The following CHN1 variants were observed in gnomAD, a reference collection of about 807,000 sequenced individuals.
CHN1 encodes the protein chimerin 1, also known as N-chimaerin.
Under a neutral mutation model 59.5 loss-of-function variants are expected in CHN1, and 37 were observed. The ratio of observed to expected loss-of-function variants is 0.62; its 90% confidence interval spans 0.48 to 0.82. The LOEUF is 0.82. Ranked by LOEUF, CHN1 falls within the 40% of genes least tolerant of loss-of-function variation. CHN1 has a pLI of 0.00. For missense variants in CHN1, 469 were observed against 571.0 expected (o/e 0.82, Z 1.82); for synonymous variants, 206 against 200.4 (o/e 1.03, Z -0.24).
intron 1 of CHN1, among the ~76,000 whole-genome samples, chr2:174,976,000 T>A (rs1161879694): frequency 1.3e-5 from 2 of 150,470 alleles, no homozygotes; most frequent in African/African-American, 4.9e-5. Context: ...GTGGCGGGTG[T>A]CTGTAGTCCC....
chr2:174,825,541 CA>C (rs1685655657), intron 7 of CHN1, among the ~76,000 whole-genome samples: 2 of 152,074 alleles, frequency 1.3e-5, no homozygotes, highest in Non-Finnish European at 2.9e-5. Flanking sequence ...ATCCCTTTTA[CA>C]AACAGGAAAG....
chr2:174,968,905 T>C (rs212365), intron 1 of CHN1, among the ~76,000 whole-genome samples: 3,110 of 152,308 alleles, frequency 0.02, 96 homozygotes, highest in African/African-American at 0.07. Flanking sequence ...TATAACTCAT[T>C]TGGTACCAAA....
At chr2:174,914,842 C>CA (rs577375465) in intron 5 of CHN1, among the ~76,000 whole-genome samples, 8,985 of 99,844 alleles carry the variant, frequency 0.09, 976 homozygotes, top group African/African-American at 0.26. Context: ...AGATTCCATT[C>CA]AAAAAAAAAA....
chr2:174,978,109 A>G (rs1691011789), intron 1 of CHN1, among the ~76,000 whole-genome samples: 1 of 152,236 alleles, frequency 6.6e-6, no homozygotes, highest in African/African-American at 2.4e-5. Flanking sequence ...CAGTTTAAAC[A>G]TATCATCAAG....
At chr2:174,905,565 A>T (rs189986664) in intron 5 of CHN1, among the ~76,000 whole-genome samples, 4,773 of 147,648 alleles carry the variant, frequency 0.032, 236 homozygotes, top group African/African-American at 0.11. Context: ...ATAAAAAAAA[A>T]TTTTTTTTTT....
chr2:174,949,945 C>CG (rs1162061856), intron 2 of CHN1, among the ~76,000 whole-genome samples: 1 of 151,996 alleles, frequency 6.6e-6, no homozygotes, highest in African/African-American at 2.4e-5. Flanking sequence ...GATAAAACTC[C>CG]GTAACAGAAC....
At chr2:174,813,171 C>T (rs892149458) in intron 8 of CHN1, among the ~76,000 whole-genome samples, 1 of 152,114 alleles carries the variant, frequency 6.6e-6, no homozygotes, top group East Asian at 1.9e-4. Context: ...TCTGAGAAAA[C>T]CAAACACAGA....
At chr2:174,848,888 T>C (rs1448097685) in intron 6 of CHN1, among the ~76,000 whole-genome samples, 2 of 152,182 alleles carry the variant, frequency 1.3e-5, no homozygotes, top group Non-Finnish European at 2.9e-5. Flanking sequence ...AGAAATGCAA[T>C]GGAAAAAGTC....
At chr2:174,977,219 A>C (rs546195661) in intron 1 of CHN1, among the ~76,000 whole-genome samples, 5 of 152,366 alleles carry the variant, frequency 3.3e-5, no homozygotes, top group Admixed American at 2.6e-4. Flanking sequence ...AAATTAGTGG[A>C]CATGGCTTTC....
intron 7 of CHN1, among the ~76,000 whole-genome samples, chr2:174,845,894 T>C (rs913061123): frequency 1.3e-5 from 2 of 152,138 alleles, no homozygotes; most frequent in African/African-American, 2.4e-5. Flanking sequence ...TGGTGCATTA[T>C]AGGTGCTGAA....
chr2:174,895,213 T>TACACAC (rs374437666), intron 5 of CHN1, among the ~76,000 whole-genome samples: 21 of 142,422 alleles, frequency 1.5e-4, no homozygotes, highest in Admixed American at 7.0e-4. Flanking sequence ...TATATATATA[T>TACACAC]ACACACACAC....
chr2:174,903,457 T>C (rs892687659), intron 5 of CHN1, among the ~76,000 whole-genome samples: 10 of 152,178 alleles, frequency 6.6e-5, no homozygotes, highest in African/African-American at 2.4e-4. Context: ...AAAACAGAAG[T>C]ATATTTTATG....
intron 11 of CHN1, 51 bp from the exon 12 acceptor site, chr2:174,801,863 T>C: frequency 1.6e-6 from 2 of 1,288,880 alleles, no homozygotes; most frequent in East Asian, 2.3e-5. Flanking sequence ...ACAAAACTGA[T>C]ACAAATGGTT....
At chr2:174,984,136 T>C (rs114645765) in intron 1 of CHN1, among the ~76,000 whole-genome samples, 4,107 of 152,030 alleles carry the variant, frequency 0.027, 214 homozygotes, top group African/African-American at 0.094. Context: ...GTTTGAAAGC[T>C]CAATCTTCAT....
rs1215533481 is a variant in CHN1 at position 174,809,053 on chromosome 2, T to C, written c.965-11A>G. 1 of 1,597,890 alleles carries C rather than the reference T, an allele frequency of 6.3e-7. No homozygotes were observed. The highest frequency in any genetic ancestry group is 8.5e-7 in the Non-Finnish European group (1 of 1,169,802). ...CTGCCTTCTCACCATCTTTTAAGGATGTTGAAAGAAATAAAAGTAAATATC... is the reference window on the plus strand; with the variant it reads ...CTGCCTTCTCACCATCTTTTAAGGACGTTGAAAGAAATAAAAGTAAATATC... On this transcript the variant is annotated splice_polypyrimidine_tract_variant and intron_variant, in intron 10 of 12. Coordinates refer to ENST00000409900, the MANE Select transcript of CHN1 (RefSeq NM_001822.7).
chr2:174,970,219 C>T (rs1031615569), intron 1 of CHN1, among the ~76,000 whole-genome samples: 1 of 152,098 alleles, frequency 6.6e-6, no homozygotes, highest in African/African-American at 2.4e-5. Context: ...TTGTTGTATA[C>T]CAAGTATGAT....
chr2:174,934,283 T>G (rs1314490296), intron 3 of CHN1, among the ~76,000 whole-genome samples: 1 of 152,190 alleles, frequency 6.6e-6, no homozygotes, highest in African/African-American at 2.4e-5. Context: ...TGACAGATCA[T>G]CAGGCATTAG....
Position 174,820,989 on chromosome 2 carries a change from G to A in CHN1, c.712+3445C>T, listed in dbSNP as rs528644090. Among the ~76,000 whole-genome samples the A allele has an allele frequency of 2.6e-5, 4 of 152,240 alleles. No individual in the cohort carries two copies. The East Asian group carries it at 7.7e-4, about 29-fold the overall frequency. ...AAGCAAGCTGTCTCAGGAATCAAAGGCAGATAAATACATTTCTTTTCTGAC... is the reference window on the plus strand; with the variant it reads ...AAGCAAGCTGTCTCAGGAATCAAAGACAGATAAATACATTTCTTTTCTGAC... On this transcript the variant is annotated intron_variant, in intron 8 of 12. Coordinates refer to ENST00000409900, the MANE Select transcript of CHN1 (RefSeq NM_001822.7).
At chr2:175,004,155 A>T (rs1355942704) in intron 1 of CHN1, among the ~76,000 whole-genome samples, 1 of 152,216 alleles carries the variant, frequency 6.6e-6, no homozygotes, top group Admixed American at 6.5e-5. Context: ...TGTAAAAGGA[A>T]AGAATGTATC....
Sources: gnomAD v4.1 joint callset for allele counts (sites outside exome capture counted in the v4.1 genomes callset) on GRCh38, gnomAD v4.1.1 for gene constraint, MANE v1.5 for transcripts, NCBI Gene and HGNC (gene_info 2026-07-23, HGNC 2026-07-21) for gene names.